Variants in WDR27 observed in about 807,000 individuals in gnomAD.
WDR27 encodes WD repeat domain 27, also known as WD repeat-containing protein 27.
In WDR27, 100 loss-of-function variants were observed where a neutral mutation model predicts 114.4. The observed-to-expected ratio is 0.87, with a 90% CI of 0.74 to 1.03. The LOEUF (loss-of-function observed/expected upper bound fraction) is 1.03. Among genes scored for constraint, WDR27 ranks in the 50% least tolerant of loss-of-function variants. The pLI is 0.00. For missense variants in WDR27, 1,129 were observed against 1,092.9 expected (o/e 1.03, Z -0.47); for synonymous variants, 449 against 423.1 (o/e 1.06, Z -0.75).
intron 25 of WDR27, among the ~76,000 whole-genome samples, chr6:169,545,143 A>G (rs1797302157): frequency 6.6e-6 from 1 of 152,224 alleles, no homozygotes; most frequent in South Asian, 2.1e-4. Flanking sequence ...ACTCTATCTC[A>G]CAGTATAGCT....
intron 23 of WDR27, among the ~76,000 whole-genome samples, chr6:169,597,409 CA>C (rs34598997): frequency 6.6e-6 from 1 of 151,218 alleles, no homozygotes; most frequent in African/African-American, 2.4e-5. Context: ...ATGTATATTA[CA>C]AAAAAAACTC....
intron 13 of WDR27, among the ~76,000 whole-genome samples, chr6:169,655,865 G>A (rs1341258185): frequency 1.3e-5 from 2 of 152,118 alleles, no homozygotes; most frequent in Admixed American, 6.5e-5. Context: ...GACTACAGGC[G>A]CCCGCCAACC....
chr6:169,654,825 A>G (rs1319618081), intron 13 of WDR27, among the ~76,000 whole-genome samples: 1 of 152,016 alleles, frequency 6.6e-6, no homozygotes, highest in African/African-American at 2.4e-5. Context: ...AGGGGCGCTC[A>G]GAAGGAGGCG....
Position 169,617,694 on chromosome 6 carries a change from T to C in WDR27, c.2224-4038A>G, listed in dbSNP as rs567222460. On this transcript the variant is annotated intron_variant, in intron 21 of 25. Transcript: ENST00000448612. ...CCCAGCCGCCCAACCCTAATCTTAT[T>C]ATGCAAATGGACTTTCTACTTGGCC... Among the ~76,000 whole-genome samples, 54 of 152,264 alleles carry C rather than the reference T, an allele frequency of 3.5e-4. No homozygotes were observed. In the South Asian group the frequency reaches 0.011, roughly 30 times the overall value.
Position 169,645,047 on chromosome 6 carries a change from A to G in WDR27, c.1658-1261T>C, listed in dbSNP as rs4716336. 6.2e-5 allele frequency among the ~76,000 whole-genome samples: 8 copies of G among 128,124 alleles called. 2 individuals carry two copies. In the South Asian group the frequency reaches 1.6e-3, roughly 26 times the overall value. 84.1% of individuals were successfully genotyped at this position (128,124 alleles called of 152,430 possible). ...ATAAAAAAAAAAAATAAAAAAAAAAAAAAAAAAAAAAGAAAATCCTAGTTC... is the reference window on the plus strand; with the variant it reads ...ATAAAAAAAAAAAATAAAAAAAAAAGAAAAAAAAAAAGAAAATCCTAGTTC... On this transcript the variant is annotated intron_variant, in intron 16 of 25. Transcript: ENST00000448612.
At chr6:169,666,397 G>A in intron 6 of WDR27, 1 of 985,404 alleles carries the variant, frequency 1.0e-6, no homozygotes, top group Non-Finnish European at 1.2e-6. Context: ...TGCTTTAAGT[G>A]GCATTTTCAT....
chr6:169,464,894 G>A (rs1277184679), intron 25 of WDR27, among the ~76,000 whole-genome samples: 2 of 152,190 alleles, frequency 1.3e-5, no homozygotes, highest in African/African-American at 2.4e-5. Context: ...AGGCCAAGGT[G>A]GGCAGATCAC....
intron 1 of WDR27, among the ~76,000 whole-genome samples, chr6:169,699,969 C>T (rs551168212): frequency 6.6e-6 from 1 of 152,280 alleles, no homozygotes; most frequent in East Asian, 1.9e-4. Flanking sequence ...ACAACAGTGA[C>T]ATCCTGTCTC....
chr6:169,654,775 G>A (rs928380955), intron 13 of WDR27, among the ~76,000 whole-genome samples: 3 of 152,024 alleles, frequency 2.0e-5, no homozygotes, highest in Non-Finnish European at 4.4e-5. Context: ...CACAGCAGAA[G>A]GAGGCGCGTT....
intron 25 of WDR27, among the ~76,000 whole-genome samples, chr6:169,551,743 AAAAAAAAAAAAAGAAAAAG>A (rs1374959444): frequency 1.5e-5 from 2 of 137,136 alleles, no homozygotes; most frequent in Admixed American, 1.5e-4. Flanking sequence ...ATCTCAAAAA[AAAAAAAAAAAAAGAAAAAG>A]AAAAGAAAAG....
At chr6:169,441,199 C>T in the WDR27 span, among the ~76,000 whole-genome samples, 1 of 151,990 alleles carries the variant, frequency 6.6e-6, no homozygotes, top group South Asian at 2.1e-4. Flanking sequence ...TTTCTGGCAC[C>T]TTTGTTACTC....
At chr6:169,560,204 C>T (rs532953251) in intron 25 of WDR27, among the ~76,000 whole-genome samples, 3 of 152,234 alleles carry the variant, frequency 2.0e-5, no homozygotes, top group Admixed American at 6.5e-5. Context: ...CTAAGTCTCA[C>T]GAGATCTGAT....
chr6:169,696,067 A>G (rs780366912), intron 1 of WDR27, among the ~76,000 whole-genome samples: 1 of 152,252 alleles, frequency 6.6e-6, no homozygotes, highest in Non-Finnish European at 1.5e-5. Context: ...GAACCGTAAG[A>G]TAATCCATTT....
At position 169,551,393 on chromosome 6, in the gene WDR27, C is replaced by A. The variant is rs201100860; in HGVS notation, c.2645+21026G>T. Among the ~76,000 whole-genome samples the A allele has an allele frequency of 2.6e-5, 4 of 152,250 alleles. No individual in the cohort carries two copies. The East Asian group carries it at 7.7e-4, about 29-fold the overall frequency. ...TATCTCTCCTGATTTACTCCAGGCACCTCCTAGTTGGTCTCCTGTGTCCAA... is the reference window on the plus strand; with the variant it reads ...TATCTCTCCTGATTTACTCCAGGCAACTCCTAGTTGGTCTCCTGTGTCCAA... On this transcript the variant is annotated intron_variant, in intron 25 of 25. Coordinates refer to ENST00000448612, the MANE Select transcript of WDR27 (RefSeq NM_182552.5).
intron 25 of WDR27, among the ~76,000 whole-genome samples, chr6:169,500,398 A>G (rs2115477115): frequency 6.6e-6 from 1 of 151,596 alleles, no homozygotes; most frequent in East Asian, 1.9e-4. Flanking sequence ...CTGCTGCTGA[A>G]CTAATGCTTA....
intron 25 of WDR27, among the ~76,000 whole-genome samples, chr6:169,527,575 C>T (rs1198399716): frequency 6.6e-6 from 1 of 152,144 alleles, no homozygotes; most frequent in Non-Finnish European, 1.5e-5. Flanking sequence ...TATATGAATA[C>T]ACTCAAACCA....
At chr6:169,439,646 T>C in the WDR27 span, among the ~76,000 whole-genome samples, 1 of 110,584 alleles carries the variant, frequency 9.0e-6, no homozygotes, top group Admixed American at 1.1e-4. Context: ...TATTGGTTAT[T>C]CATTTAAATA....
chr6:169,554,055 A>G (rs1000892180), intron 25 of WDR27, among the ~76,000 whole-genome samples: 1 of 152,184 alleles, frequency 6.6e-6, no homozygotes. Context: ...TTCTGCTACA[A>G]TTTCGCATGG....
intron 8 of WDR27, chr6:169,663,767 T>C (rs184447045): frequency 1.0e-3 from 189 of 189,832 alleles, no homozygotes; most frequent in South Asian, 2.1e-3. Flanking sequence ...AGGTGGCGTC[T>C]AAGATTCACA....
Sources: gnomAD v4.1 joint callset for allele counts (sites outside exome capture counted in the v4.1 genomes callset) on GRCh38, gnomAD v4.1.1 for gene constraint, MANE v1.5 for transcripts, NCBI Gene and HGNC (gene_info 2026-07-23, HGNC 2026-07-21) for gene names.